Variants in VPS13B observed in about 807,000 individuals in gnomAD.
VPS13B encodes intermembrane lipid transfer protein VPS13B.
VPS13B carries 285 observed loss-of-function variants against 426.4 expected under a neutral mutation model. The observed-to-expected ratio is 0.67, with a 90% CI of 0.61 to 0.74. The LOEUF is 0.74. Ranked by LOEUF, VPS13B falls within the 30% of genes least tolerant of loss-of-function variation. VPS13B has a pLI of 0.00. For missense variants in VPS13B, 4,537 were observed against 4,782.6 expected, an observed-to-expected ratio of 0.95 and a Z score of 1.51; for synonymous variants, 1,676 against 1,676.4, an observed-to-expected ratio of 1.00 and a Z score of 0.01.
intron 17 of VPS13B, among the ~76,000 whole-genome samples, chr8:99,245,345 C>A (rs1280948192): frequency 6.6e-6 from 1 of 152,154 alleles, no homozygotes; most frequent in African/African-American, 2.4e-5. Context: ...TAGGCATTTT[C>A]TGCTACAATC....
chr8:99,430,010 A>G (rs1187434276), intron 21 of VPS13B, among the ~76,000 whole-genome samples: 1 of 152,032 alleles, frequency 6.6e-6, no homozygotes, highest in Non-Finnish European at 1.5e-5. Flanking sequence ...TGAAAATCCC[A>G]TGCATACCTT....
At chr8:99,127,180 C>T (rs1298135926) in intron 8 of VPS13B, among the ~76,000 whole-genome samples, 1 of 151,728 alleles carries the variant, frequency 6.6e-6, no homozygotes, top group African/African-American at 2.4e-5. Flanking sequence ...TGGTGCTTCT[C>T]CTCTTCTGTA....
chr8:99,859,976 G>A (rs1469119210), intron 57 of VPS13B, among the ~76,000 whole-genome samples: 1 of 152,176 alleles, frequency 6.6e-6, no homozygotes, highest in Non-Finnish European at 1.5e-5. Context: ...GCCCAGACAG[G>A]TCATCGGGCA....
At chr8:99,412,101 C>T (rs1815702903) in intron 21 of VPS13B, among the ~76,000 whole-genome samples, 1 of 152,126 alleles carries the variant, frequency 6.6e-6, no homozygotes. Flanking sequence ...TCAATGGTAG[C>T]TTGATGGGGA....
intron 56 of VPS13B, among the ~76,000 whole-genome samples, chr8:99,855,604 G>A (rs1277228987): frequency 1.3e-5 from 2 of 152,128 alleles, no homozygotes; most frequent in Non-Finnish European, 2.9e-5. Context: ...AGAGGAGAGA[G>A]CCTTTGTTCT....
At chr8:99,302,700 G>A (rs1820430736) in intron 19 of VPS13B, among the ~76,000 whole-genome samples, 1 of 151,962 alleles carries the variant, frequency 6.6e-6, no homozygotes, top group Admixed American at 6.6e-5. Flanking sequence ...GTAGAGATGG[G>A]GTTTTGCCAT....
At chr8:99,444,167 C>T (rs1040742954) in intron 23 of VPS13B, among the ~76,000 whole-genome samples, 46 of 151,812 alleles carry the variant, frequency 3.0e-4, no homozygotes, top group East Asian at 1.9e-4. Flanking sequence ...GGCACAATCC[C>T]GGCTCACTGC....
At chr8:99,751,411 A>G (rs1436247193) in intron 39 of VPS13B, among the ~76,000 whole-genome samples, 1 of 152,186 alleles carries the variant, frequency 6.6e-6, no homozygotes, top group African/African-American at 2.4e-5. Flanking sequence ...CAAATCTACC[A>G]GAAAAGTATG....
At chr8:99,439,772 A>G (rs1163903492) in intron 22 of VPS13B, among the ~76,000 whole-genome samples, 1 of 152,140 alleles carries the variant, frequency 6.6e-6, no homozygotes, top group Non-Finnish European at 1.5e-5. Context: ...TTTTCAGATT[A>G]ATGGGTAAAT....
At chr8:99,171,891 T>C (rs1812355563) in intron 16 of VPS13B, among the ~76,000 whole-genome samples, 1 of 152,152 alleles carries the variant, frequency 6.6e-6, no homozygotes, top group Admixed American at 6.5e-5. Flanking sequence ...AAAATACTGC[T>C]TAAGCAGTAT....
chr8:99,796,720 A>C (rs900889174), intron 43 of VPS13B: 1 of 152,318 alleles, frequency 6.6e-6, no homozygotes, highest in Non-Finnish European at 1.5e-5. Flanking sequence ...AGGAGGCTGA[A>C]GTCAGCTGGA....
chr8:99,451,835 G>T (rs959235322), intron 23 of VPS13B, among the ~76,000 whole-genome samples: 3 of 152,192 alleles, frequency 2.0e-5, no homozygotes, highest in Non-Finnish European at 4.4e-5. Context: ...ATAGGGAAGA[G>T]GTGGTACTGG....
At chr8:99,416,867 A>G (rs930003778) in intron 21 of VPS13B, among the ~76,000 whole-genome samples, 1 of 152,340 alleles carries the variant, frequency 6.6e-6, no homozygotes, top group Admixed American at 6.5e-5. Context: ...CTATTCGGCC[A>G]TCTTGCCAGC....
chr8:99,130,571 T>A (rs1023900853), intron 8 of VPS13B, among the ~76,000 whole-genome samples: 8 of 151,984 alleles, frequency 5.3e-5, no homozygotes, highest in Non-Finnish European at 7.4e-5. Flanking sequence ...GTATTTTTTT[T>A]AGTAGAGACA....
chr8:99,326,425 G>A (rs917348223), intron 19 of VPS13B, among the ~76,000 whole-genome samples: 2 of 115,422 alleles, frequency 1.7e-5, no homozygotes, highest in Admixed American at 2.0e-4. Context: ...AAATAAGGCA[G>A]AATTTCTATC....
intron 39 of VPS13B, among the ~76,000 whole-genome samples, chr8:99,728,632 T>G (rs1833454590): frequency 6.6e-6 from 1 of 152,224 alleles, no homozygotes; most frequent in South Asian, 2.1e-4. Flanking sequence ...GGATGCTGGC[T>G]CTGTGTGTGA....
chr8:99,029,700 T>G (rs9771945), intron 2 of VPS13B, among the ~76,000 whole-genome samples: 125,303 of 151,598 alleles, frequency 0.83, 52,272 homozygotes, highest in South Asian at 0.89. Flanking sequence ...CAGGCAGGGA[T>G]TTTGCAGTGA....
At chr8:99,578,329 T>C (rs1235497217) in intron 33 of VPS13B, among the ~76,000 whole-genome samples, 2 of 152,144 alleles carry the variant, frequency 1.3e-5, no homozygotes, top group African/African-American at 4.8e-5. Context: ...ATTTTTGTCA[T>C]GAGTTGTAAA....
At chr8:99,717,671 A>G (rs1161532037) in intron 37 of VPS13B, among the ~76,000 whole-genome samples, 3 of 152,090 alleles carry the variant, frequency 2.0e-5, no homozygotes, top group Admixed American at 2.0e-4. Context: ...ATTAGCAGCC[A>G]CTCACATTAC....
Sources: allele counts gnomAD v4.1 joint callset (sites outside exome capture counted in the v4.1 genomes callset), GRCh38; gene constraint gnomAD v4.1.1; transcripts MANE v1.5; gene names NCBI Gene and HGNC (gene_info 2026-07-23, HGNC 2026-07-21).